Variants in CARMIL2 observed in about 807,000 individuals in gnomAD.
The protein encoded by CARMIL2 is capping protein regulator and myosin 1 linker 2.
A neutral mutation model predicts 173.3 loss-of-function variants in CARMIL2; 96 were observed. That is an observed-to-expected ratio of 0.55 (90% confidence interval 0.47 to 0.66). The LOEUF (loss-of-function observed/expected upper bound fraction) is 0.66, where lower values mean the gene tolerates loss of function less well. CARMIL2 is among the 30% of genes least tolerant of loss of function. The pLI, the probability that CARMIL2 is intolerant of heterozygous loss-of-function variation, is 0.00. For missense variants in CARMIL2, 1,771 were observed against 1,906.7 expected (o/e 0.93, Z 1.33); for synonymous variants, 830 against 817.1 (o/e 1.02, Z -0.27).
chr16:67,647,680 G>A lies in CARMIL2; in HGVS notation c.872G>A (p.Gly291Asp). Reference sequence around the variant, plus strand: ...CACGTGGCTGTTCCCACCCCCCAAGGCATGACTGCACTCAGCAGACACCTC... The same window carrying A: ...CACGTGGCTGTTCCCACCCCCCAAGACATGACTGCACTCAGCAGACACCTC... Reference protein sequence around the residue: ...SLAGNLLDDRGMTALSRHLER... With the variant: ...SLAGNLLDDRDMTALSRHLER... Residue 291 changes from glycine to aspartate, a missense_variant and splice_region_variant, in exon 12 of 38, where the codon GGC becomes GAC. Transcript: ENST00000334583. 6.2e-7 allele frequency: 1 copy of A among 1,600,144 alleles called. No homozygotes were observed. The highest frequency in any genetic ancestry group is 1.1e-5 in the South Asian group (1 of 88,230).
Position 67,652,043 on chromosome 16 carries a change from CA to C in CARMIL2, c.2676+36del. ...AGATGTGCACACACTTTCGTGCAAA[CA>C]CACACATGCAGTGACTTGGCCATCT... On this transcript the variant is annotated intron_variant, in intron 26 of 37. Transcript: ENST00000334583. This position sits in a 1 kb window ranked among gnomAD's most constrained non-coding sequence, Gnocchi z 4.7. The C allele has an allele frequency of 6.2e-7, 1 of 1,608,364 alleles. No individual in the cohort carries two copies. Among genetic ancestry groups the C allele is most frequent in the Non-Finnish European group, 8.5e-7 (1 of 1,175,392 alleles).
At position 67,651,547 on chromosome 16, in the gene CARMIL2, C is replaced by T. The variant is rs1208225303; in HGVS notation, c.2427+33C>T. The stretch of plus-strand genomic sequence containing the variant: ...GGTACTCCTGCCCCAACCCCACCTC[C>T]GTTTGCAGGTTTGACTCCCATCCTT... On this transcript the variant is annotated intron_variant, in intron 24 of 37. Transcript: ENST00000334583. This position sits in a 1 kb window ranked among gnomAD's most constrained non-coding sequence, Gnocchi z 4.2. 8.3e-6 allele frequency: 13 copies of T among 1,564,358 alleles called. No individual in the cohort carries two copies. The highest frequency in any genetic ancestry group is 4.7e-5 in the South Asian group (4 of 84,452).
Position 67,656,041 on chromosome 16 carries a change from G to T in CARMIL2, c.3716G>T (p.Gly1239Val). Residue 1239 changes from glycine to valine, a missense_variant, in exon 33 of 38, where the codon GGC becomes GTC. Physicochemically the swap from Gly to Val is moderately radical, Grantham distance 109. Around this residue, in one of 3 missense-constraint regions of CARMIL2, gnomAD observed 817 missense variants for 903.5 expected, o/e 0.90. Transcript: ENST00000334583. The stretch of plus-strand genomic sequence containing the variant: ...CCCTGTTTCCTGCAGAGCAAAGATG[G>T]CGAGATCAAGAAAGCTGGCTCAGAT... Reference protein sequence around the residue: ...AEGKRKQSKDGEIKKAGSDGD... With the variant: ...AEGKRKQSKDVEIKKAGSDGD... The T allele has an allele frequency of 6.3e-7, 1 of 1,598,862 alleles. No individual in the cohort carries two copies. Among genetic ancestry groups the T allele is most frequent in the Non-Finnish European group, 8.5e-7 (1 of 1,172,804 alleles).
Position 67,645,576 on chromosome 16 carries a change from AGCT to A in CARMIL2, c.85_87del (p.Leu29del). The A allele has an allele frequency of 6.2e-7, 1 of 1,612,006 alleles. No homozygotes were observed. The highest frequency in any genetic ancestry group is 8.5e-7 in the Non-Finnish European group (1 of 1,179,180). ...AGGTTCCTGTGGCCCAAAGAGGTGG[AGCT>A]GCTGCTGAAAACCTGGCTACCCGGG... is the stretch of plus-strand genomic sequence containing the variant. On this transcript the variant is annotated inframe_deletion, in exon 2 of 38. Transcript: ENST00000334583.
intron 32 of CARMIL2, among the ~76,000 whole-genome samples, chr16:67,655,483 G>A (rs1462386472): frequency 6.6e-6 from 1 of 152,202 alleles, no homozygotes; most frequent in Non-Finnish European, 1.5e-5. Flanking sequence ...GAAATAGCAA[G>A]TCCTCCAGGG....
chr16:67,657,338 C>T lies in CARMIL2; in HGVS notation c.4195+22C>T, dbSNP rs774786394. ...CTAGGTAAGAGGGGGTCCAGGCCAG[C>T]TGGGAGGGTGGCAGGACTGCTTAGC... is the stretch of plus-strand genomic sequence containing the variant. On this transcript the variant is annotated intron_variant, in intron 37 of 37. Transcript: ENST00000334583. This position sits in a 1 kb window ranked among gnomAD's most constrained non-coding sequence, Gnocchi z 4.5. The T allele has an allele frequency of 1.2e-6, 2 of 1,612,604 alleles. No individual in the cohort carries two copies. The highest frequency in any genetic ancestry group is 8.5e-7 in the Non-Finnish European group (1 of 1,179,316).
rs2052649815 is a variant in CARMIL2 at position 67,648,670 on chromosome 16, A to G, written c.1440-15A>G. The G allele has an allele frequency of 1.3e-6, 2 of 1,599,278 alleles. No individual in the cohort carries two copies. ...TGTCCCAGCTCCCGCCACCCCGTGTAACGTCCTCTCCCAGAGCCCTTTTGG... is the reference window on the plus strand; with the variant it reads ...TGTCCCAGCTCCCGCCACCCCGTGTGACGTCCTCTCCCAGAGCCCTTTTGG... On this transcript the variant is annotated splice_polypyrimidine_tract_variant and intron_variant, in intron 15 of 37. Coordinates refer to ENST00000334583, the MANE Select transcript of CARMIL2 (RefSeq NM_001013838.3). This position sits in a 1 kb window ranked among gnomAD's most constrained non-coding sequence, Gnocchi z 6.1.
Position 67,649,592 on chromosome 16 carries a change from A to C in CARMIL2, c.1892A>C (p.Lys631Thr). The C allele has an allele frequency of 6.3e-6, 10 of 1,589,894 alleles. No homozygotes were observed. Among genetic ancestry groups the C allele is most frequent in the Non-Finnish European group, 7.7e-6 (9 of 1,173,330 alleles). Residue 631 changes from lysine (K) to threonine (T), a missense_variant, in exon 20 of 38, where the codon AAG (lysine) becomes ACG (threonine). Around this residue, in one of 3 missense-constraint regions of CARMIL2, gnomAD observed 944 missense variants for 975.6 expected, o/e 0.97. Coordinates refer to ENST00000334583, the MANE Select transcript of CARMIL2 (RefSeq NM_001013838.3). This position sits in a 1 kb window ranked among gnomAD's most constrained non-coding sequence, Gnocchi z 6.7. ...MGDAGAKLLAKALRVNSRLRS... is the reference protein window; with the variant it reads ...MGDAGAKLLATALRVNSRLRS... The stretch of plus-strand genomic sequence containing the variant: ...GACGCGGGCGCCAAGTTGCTGGCCA[A>C]GGCGCTGCGGGTCAACTCGAGGCTC...
Position 67,657,345 on chromosome 16 carries a change from G to T in CARMIL2, c.4195+29G>T, listed in dbSNP as rs370906786. 517 of 1,612,128 alleles carry T rather than the reference G, an allele frequency of 3.2e-4. 1 individual carries two copies. Among genetic ancestry groups the T allele is most frequent in the Admixed American group, 3.7e-4 (22 of 59,814 alleles). On this transcript the variant is annotated intron_variant, in intron 37 of 37. Transcript: ENST00000334583. The surrounding 1 kb of genome is among the most constrained non-coding windows in gnomAD (Gnocchi z 4.5). ...AGAGGGGGTCCAGGCCAGCTGGGAG[G>T]GTGGCAGGACTGCTTAGCCCAGCCC... is the stretch of plus-strand genomic sequence containing the variant.
chr16:67,646,761 C>G lies in CARMIL2; in HGVS notation c.514C>G (p.Pro172Ala), dbSNP rs200058857. 296 of 1,613,852 alleles carry G rather than the reference C, an allele frequency of 1.8e-4. No individual in the cohort carries two copies. Among genetic ancestry groups the G allele is most frequent in the Non-Finnish European group, 2.3e-4 (272 of 1,179,890 alleles). ...GGCTCTGTGTGACTACAATGGCTTC[C>G]CTTTCCGAGAGGAGATTCAGTGGGT... is the stretch of plus-strand genomic sequence containing the variant. ...YEALCDYNGF[P>A]FREEIQWDVD... Residue 172 changes from proline (P) to alanine (A), a missense_variant, in exon 7 of 38, where the codon CCT (proline) becomes GCT (alanine). Pro to Ala is a conservative substitution (Grantham distance 27). Coordinates refer to ENST00000334583, the MANE Select transcript of CARMIL2 (RefSeq NM_001013838.3). This position sits in a 1 kb window ranked among gnomAD's most constrained non-coding sequence, Gnocchi z 4.6.
rs577774548 is a variant in CARMIL2, at chr16:67,649,993, C to T, written c.2082+25C>T. On this transcript the variant is annotated intron_variant, in intron 21 of 37. Coordinates refer to ENST00000334583, the MANE Select transcript of CARMIL2 (RefSeq NM_001013838.3). The surrounding 1 kb of genome is among the most constrained non-coding windows in gnomAD (Gnocchi z 6.7). ...GGTGGGCGTCCCCCTCTTCCCTTGC[C>T]CTTCTCTGCACGGTAACTCCGTCCC... is the stretch of plus-strand genomic sequence containing the variant. 5.0e-6 allele frequency: 8 copies of T among 1,613,610 alleles called. No individual in the cohort carries two copies. The highest frequency in any genetic ancestry group is 1.3e-5 in the African/African-American group (1 of 75,052).
rs76430478 is a variant in CARMIL2, at chr16:67,657,190, C to A, written c.4118-49C>A. 1.8e-3 allele frequency: 2,734 copies of A among 1,543,496 alleles called. 9 individuals carry two copies. Among genetic ancestry groups the A allele is most frequent in the Non-Finnish European group, 2.3e-3 (2,557 of 1,122,668 alleles). The stretch of plus-strand genomic sequence containing the variant: ...GTGGAAGAGAGGGGCAGGGGATGGA[C>A]AGACCCCAAGCCTTAGCAACCCACC... On this transcript the variant is annotated intron_variant, in intron 36 of 37. Coordinates refer to ENST00000334583, the MANE Select transcript of CARMIL2 (RefSeq NM_001013838.3). This position sits in a 1 kb window ranked among gnomAD's most constrained non-coding sequence, Gnocchi z 4.5.
At chr16:67,645,507 A>G (rs1357528497) in intron 1 of CARMIL2, 33 bp from the exon 2 acceptor site, 1 of 1,547,318 alleles carries the variant, frequency 6.5e-7, no homozygotes, top group Non-Finnish European at 8.8e-7. Context: ...CTGTGCAAGG[A>G]CTGAAGTCAC....
rs763797431 is a variant in CARMIL2 at position 67,654,835 on chromosome 16, C to G, written c.3640C>G (p.Gln1214Glu). 6.2e-7 allele frequency: 1 copy of G among 1,613,650 alleles called. No individual in the cohort carries two copies. Among genetic ancestry groups the G allele is most frequent in the Non-Finnish European group, 8.5e-7 (1 of 1,179,888 alleles). Reference protein sequence around the residue: ...ELAPSFEQRVQVMLQRIGVSR... With the variant: ...ELAPSFEQRVEVMLQRIGVSR... ...GGCTCCATCCTTTGAACAGCGGGTA[C>G]AAGTAATGCTGCAGAGGATAGGCGT... Residue 1214 changes from glutamine (Q) to glutamate (E), a missense_variant, in exon 32 of 38, where the codon CAA (glutamine) becomes GAA (glutamate). Physicochemically the swap from Gln to Glu is conservative, Grantham distance 29. Coordinates refer to ENST00000334583, the MANE Select transcript of CARMIL2 (RefSeq NM_001013838.3).
At position 67,648,228 on chromosome 16, in the gene CARMIL2, C is replaced by T. The variant is rs763698621; in HGVS notation, c.1248C>T (p.Leu416=). The part of the protein sequence containing the change: ...LGPPAGVANS[L]PPQLFAAVSR... Reference sequence around the variant, plus strand: ...CCCCCGCGGGTGTAGCCAACAGCCTCCCCCCGCAGCTCTTCGCAGCGGTAT... The same window carrying T: ...CCCCCGCGGGTGTAGCCAACAGCCTTCCCCCGCAGCTCTTCGCAGCGGTAT... Residue 416 remains leucine, a synonymous_variant, in exon 14 of 38, where the codon CTC becomes CTT. Coordinates refer to ENST00000334583, the MANE Select transcript of CARMIL2 (RefSeq NM_001013838.3). This position sits in a 1 kb window ranked among gnomAD's most constrained non-coding sequence, Gnocchi z 6.1. The T allele has an allele frequency of 2.5e-6, 4 of 1,603,362 alleles. No individual in the cohort carries two copies. Among genetic ancestry groups the T allele is most frequent in the African/African-American group, 1.3e-5 (1 of 74,872 alleles).
Position 67,656,409 on chromosome 16 carries a change from C to A in CARMIL2, c.3815-15C>A. 1 of 1,608,764 alleles carries A rather than the reference C, an allele frequency of 6.2e-7. No homozygotes were observed. The highest frequency in any genetic ancestry group is 8.5e-7 in the Non-Finnish European group (1 of 1,176,442). On this transcript the variant is annotated splice_polypyrimidine_tract_variant and intron_variant, in intron 34 of 37. Transcript: ENST00000334583. The stretch of plus-strand genomic sequence containing the variant: ...ATGCCTGACCAGGTCTTGGCTGACA[C>A]CTTTCTCCCTACAGACCCTTCCTGC...
rs772396799 is a variant in CARMIL2, at chr16:67,647,946, C to A, written c.1059C>A (p.Ser353=). Residue 353 remains serine, a synonymous_variant, in exon 13 of 38, where the codon TCC becomes TCA. Coordinates refer to ENST00000334583, the MANE Select transcript of CARMIL2 (RefSeq NM_001013838.3). ...GGAATCCTGGGGCGCTGGGGGCCTCCGAGGACAGTGGGGTGAGTGGCTGTC... is the reference window on the plus strand; with the variant it reads ...GGAATCCTGGGGCGCTGGGGGCCTCAGAGGACAGTGGGGTGAGTGGCTGTC... The part of the protein sequence containing the change: ...LSGNPGALGA[S]EDSGGLYSFL... 6.2e-7 allele frequency: 1 copy of A among 1,608,264 alleles called. No homozygotes were observed. Among genetic ancestry groups the A allele is most frequent in the Non-Finnish European group, 8.5e-7 (1 of 1,177,118 alleles).
Position 67,649,072 on chromosome 16 carries a change from C to G in CARMIL2, c.1592-4C>G, listed in dbSNP as rs1266796570. ...GCCTCGTGCGTGACCCGAGTCACCCCCAGGCTTCGGCTCAGACATGGTGAC... is the reference window on the plus strand; with the variant it reads ...GCCTCGTGCGTGACCCGAGTCACCCGCAGGCTTCGGCTCAGACATGGTGAC... On this transcript the variant is annotated splice_region_variant and splice_polypyrimidine_tract_variant and intron_variant, in intron 17 of 37. Transcript: ENST00000334583. The surrounding 1 kb of genome is among the most constrained non-coding windows in gnomAD (Gnocchi z 6.7). 3.7e-6 allele frequency: 6 copies of G among 1,611,758 alleles called. No individual in the cohort carries two copies. Among genetic ancestry groups the G allele is most frequent in the Admixed American group, 1.7e-5 (1 of 59,720 alleles).
intron 8 of CARMIL2, 43 bp downstream of exon 8, chr16:67,647,016 C>T (rs370083303): frequency 6.2e-7 from 1 of 1,606,920 alleles, no homozygotes; most frequent in Non-Finnish European, 8.5e-7. Flanking sequence ...GATCCCGGGG[C>T]CCATATCCCT....
Sources: gnomAD v4.1 joint callset for allele counts (sites outside exome capture counted in the v4.1 genomes callset) on GRCh38, gnomAD v4.1.1 for gene constraint, gnomAD v4.1.1 regional missense constraint, Gnocchi (gnomAD v3.1) non-coding constraint, MANE v1.5 for transcripts, NCBI Gene and HGNC (gene_info 2026-07-23, HGNC 2026-07-21) for gene names.